Variants in MPP7 observed in about 807,000 individuals in gnomAD.
The protein encoded by MPP7 is MAGUK p55 scaffold protein 7.
A neutral mutation model predicts 76.5 loss-of-function variants in MPP7; 60 were observed. That is an observed-to-expected ratio of 0.78 (90% CI 0.64 to 0.97). MPP7 has a LOEUF of 0.97. MPP7 is among the 50% of genes least tolerant of loss of function. The pLI, the probability that MPP7 is intolerant of heterozygous loss-of-function variation, is 0.00. For synonymous variants in MPP7, 237 were observed against 244.5 expected (o/e 0.97, Z 0.29); for missense variants, 641 against 694.0 (o/e 0.92, Z 0.86).
intron 2 of MPP7, among the ~76,000 whole-genome samples, chr10:28,234,275 C>G (rs1254150194): frequency 1.3e-5 from 2 of 152,058 alleles, no homozygotes; most frequent in Non-Finnish European, 2.9e-5. Context: ...ACAATTTGAG[C>G]AACAAAATAA....
chr10:28,087,745 A>T (rs756524831), intron 12 of MPP7, among the ~76,000 whole-genome samples: 2 of 152,138 alleles, frequency 1.3e-5, no homozygotes, highest in Non-Finnish European at 2.9e-5. Context: ...GAGAAGAGGC[A>T]ACAGGGACAG....
chr10:28,217,612 G>T (rs1017963859), intron 2 of MPP7, among the ~76,000 whole-genome samples: 1 of 151,202 alleles, frequency 6.6e-6, no homozygotes, highest in African/African-American at 2.4e-5. Context: ...ACAAAAAAAG[G>T]CTTTACCATT....
intron 11 of MPP7, among the ~76,000 whole-genome samples, chr10:28,105,787 T>G (rs1834304009): frequency 6.6e-6 from 1 of 152,184 alleles, no homozygotes; most frequent in South Asian, 2.1e-4. Flanking sequence ...GTGCTGGGAT[T>G]ACAGGCATGA....
intron 11 of MPP7, among the ~76,000 whole-genome samples, chr10:28,105,033 A>C (rs1400799295): frequency 6.6e-6 from 1 of 151,948 alleles, no homozygotes; most frequent in African/African-American, 2.4e-5. Context: ...TGTACTCTAT[A>C]ATCCCAGCTA....
Position 28,149,976 on chromosome 10 carries a change from A to G in MPP7, c.234+6T>C, listed in dbSNP as rs1371368089. The G allele has an allele frequency of 3.7e-6, 6 of 1,612,356 alleles. No homozygotes were observed. The Admixed American group carries it at 8.3e-5, about 22-fold the overall frequency. ...CATCCCAGTGAGCTCGGAGAGTCAC[A>G]CTTACATCATCGGCCAAGGCCGCCG... On this transcript the variant is annotated splice_donor_region_variant and intron_variant, in intron 4 of 16. Transcript: ENST00000683449.
At chr10:28,077,858 C>T (rs1196177975) in intron 12 of MPP7, among the ~76,000 whole-genome samples, 3 of 152,154 alleles carry the variant, frequency 2.0e-5, no homozygotes, top group South Asian at 2.1e-4. Context: ...AGACAACAGG[C>T]TGTGGCATAA....
intron 3 of MPP7, among the ~76,000 whole-genome samples, chr10:28,201,316 A>C (rs1837764088): frequency 6.6e-6 from 1 of 152,202 alleles, no homozygotes; most frequent in African/African-American, 2.4e-5. Context: ...ATCAATTAAA[A>C]GCCTCTTATC....
At chr10:28,314,099 A>T (rs1841306055) in intron 2 of MPP7, among the ~76,000 whole-genome samples, 2 of 151,866 alleles carry the variant, frequency 1.3e-5, no homozygotes, top group Non-Finnish European at 2.9e-5. Context: ...ACACTATTTG[A>T]TTTTTCTTAG....
intron 13 of MPP7, among the ~76,000 whole-genome samples, chr10:28,069,420 T>C (rs1318718914): frequency 2.6e-5 from 4 of 151,934 alleles, no homozygotes; most frequent in Non-Finnish European, 5.9e-5. Flanking sequence ...CTGGCCAACA[T>C]AGTGAAACCC....
upstream of MPP7, among the ~76,000 whole-genome samples, chr10:28,304,995 C>T (rs1203459301): frequency 4.0e-5 from 6 of 151,846 alleles, no homozygotes; most frequent in Non-Finnish European, 7.4e-5. Flanking sequence ...ACTTCCAGAC[C>T]GGGATCAGGG....
intron 3 of MPP7, among the ~76,000 whole-genome samples, chr10:28,185,202 TATATG>T (rs1403183002): frequency 6.8e-6 from 1 of 148,054 alleles, no homozygotes; most frequent in Non-Finnish European, 1.5e-5. Context: ...ATTATGTTGT[TATATG>T]ATATAATATA....
intron 5 of MPP7, among the ~76,000 whole-genome samples, 172 bp downstream of exon 5, chr10:28,147,311 A>G (rs1187462688): frequency 6.6e-6 from 1 of 152,190 alleles, no homozygotes; most frequent in Non-Finnish European, 1.5e-5. Flanking sequence ...TTCTCATCAC[A>G]TTATAATCAA....
chr10:28,331,597 G>A (rs1429450459), intron 1 of MPP7, among the ~76,000 whole-genome samples: 5 of 152,006 alleles, frequency 3.3e-5, no homozygotes, highest in Admixed American at 2.0e-4. Flanking sequence ...TATTATTTGA[G>A]ACAGAGTCTC....
rs151079236 is a variant in MPP7, at chr10:28,211,551, G to A, written c.38-9280C>T. Among the ~76,000 whole-genome samples the A allele has an allele frequency of 3.3e-5, 5 of 152,016 alleles. No individual in the cohort carries two copies. The East Asian group carries it at 7.8e-4, about 24-fold the overall frequency. On this transcript the variant is annotated intron_variant, in intron 2 of 16. Coordinates refer to ENST00000683449, the MANE Select transcript of MPP7 (RefSeq NM_001318170.2). ...ATAAGATATATATAACTAACAGGCAGGTGAGTTGACCAAGGATTGGGGAAG... is the reference window on the plus strand; with the variant it reads ...ATAAGATATATATAACTAACAGGCAAGTGAGTTGACCAAGGATTGGGGAAG...
chr10:28,083,729 G>C (rs980306719), intron 12 of MPP7, among the ~76,000 whole-genome samples: 6 of 151,564 alleles, frequency 4.0e-5, no homozygotes, highest in Admixed American at 6.6e-5. Flanking sequence ...GTAGAGACAG[G>C]GTTTCACCAT....
chr10:28,157,288 G>A (rs1027515933), intron 3 of MPP7, among the ~76,000 whole-genome samples: 1 of 149,406 alleles, frequency 6.7e-6, no homozygotes, highest in African/African-American at 2.6e-5. Flanking sequence ...TACAGGGCTA[G>A]CTATCACTGT....
chr10:28,075,155 C>T (rs1852428482), intron 12 of MPP7, among the ~76,000 whole-genome samples: 2 of 152,068 alleles, frequency 1.3e-5, no homozygotes, highest in African/African-American at 4.8e-5. Flanking sequence ...CTTGTGAGAA[C>T]TCACTATCAC....
At chr10:28,171,832 T>C (rs1358947028) in intron 3 of MPP7, among the ~76,000 whole-genome samples, 1 of 152,168 alleles carries the variant, frequency 6.6e-6, no homozygotes, top group Non-Finnish European at 1.5e-5. Flanking sequence ...TTCTGTAGTT[T>C]TGTTATGTCT....
At chr10:28,274,545 G>C (rs565623185) in intron 1 of MPP7, among the ~76,000 whole-genome samples, 1 of 152,200 alleles carries the variant, frequency 6.6e-6, no homozygotes, top group East Asian at 1.9e-4. Context: ...CCAATTTTCT[G>C]ATAGCCCTCT....
Sources: gnomAD v4.1 joint callset for allele counts (sites outside exome capture counted in the v4.1 genomes callset) on GRCh38, gnomAD v4.1.1 for gene constraint, MANE v1.5 for transcripts, NCBI Gene and HGNC (gene_info 2026-07-23, HGNC 2026-07-21) for gene names.